RBPJ: variants seen among roughly 807,000 people sequenced by gnomAD.
RBPJ encodes the protein recombination signal binding protein for immunoglobulin kappa J region, also known as recombining binding protein suppressor of hairless.
A neutral mutation model predicts 67.8 loss-of-function variants in RBPJ; 9 were observed. The ratio of observed to expected loss-of-function variants is 0.13; its 90% confidence interval spans 0.08 to 0.23. The LOEUF is 0.23. Among genes scored for constraint, RBPJ ranks in the 10% least tolerant of loss-of-function variants. RBPJ has a pLI of 1.00. For missense variants in RBPJ, 305 were observed against 595.6 expected (o/e 0.51, Z 5.08); for synonymous variants, 198 against 203.3 (o/e 0.97, Z 0.22).
chr4:26,344,846 T>G (rs1386561887), intron 1 of RBPJ, among the ~76,000 whole-genome samples: 1 of 152,200 alleles, frequency 6.6e-6, no homozygotes, highest in Non-Finnish European at 1.5e-5. Context: ...TGTATGAATC[T>G]CATCATAATA....
intron 1 of RBPJ, among the ~76,000 whole-genome samples, chr4:26,188,234 C>T (rs929527553): frequency 1.3e-5 from 2 of 151,892 alleles, no homozygotes; most frequent in East Asian, 1.9e-4. Flanking sequence ...CACACACACA[C>T]GTAAAAAAGT....
At chr4:26,338,255 A>T (rs1205256718) in intron 1 of RBPJ, among the ~76,000 whole-genome samples, 1 of 148,034 alleles carries the variant, frequency 6.8e-6, no homozygotes, top group Non-Finnish European at 1.5e-5. Flanking sequence ...TCCCGGATTC[A>T]AGCAATTCTC....
At chr4:26,328,960 G>A (rs1333269504) in intron 1 of RBPJ, among the ~76,000 whole-genome samples, 1 of 152,156 alleles carries the variant, frequency 6.6e-6, no homozygotes, top group Non-Finnish European at 1.5e-5. Flanking sequence ...ATATTAATCA[G>A]GGATACAGAG....
intron 1 of RBPJ, among the ~76,000 whole-genome samples, chr4:26,293,118 CT>C (rs952607053): frequency 2.7e-5 from 4 of 150,428 alleles, no homozygotes; most frequent in African/African-American, 9.8e-5. Flanking sequence ...AAGCCACACT[CT>C]GAAGGGGCTC....
At position 26,391,076 on chromosome 4, in the gene RBPJ, TA is replaced by T. The variant is rs139630753; in HGVS notation, c.59+4689del. 2.1e-3 allele frequency among the ~76,000 whole-genome samples: 321 copies of T among 152,280 alleles called. 3 individuals carry two copies. The highest frequency in any genetic ancestry group is 7.1e-3 in the African/African-American group (295 of 41,562). On this transcript the variant is annotated intron_variant, in intron 2 of 10. Coordinates refer to ENST00000355476, the MANE Select transcript of RBPJ (RefSeq NM_015874.6). ...TGTCTCAAATAAATATATATATGGT[TA>T]AAATGTCAGTTCTTCTCAAATTGAT...
rs1300503164 is a variant in RBPJ, at chr4:26,424,191, C to T, written c.497-151C>T. 1 of 647,464 alleles carries T rather than the reference C, an allele frequency of 1.5e-6. No individual in the cohort carries two copies. Among genetic ancestry groups the T allele is most frequent in the East Asian group, 2.7e-5 (1 of 36,860 alleles). The allele number at this position is 647,464 out of a possible 1,614,324, so 40.1% of individuals were successfully genotyped here. A position where few individuals can be genotyped will look rare whatever the true frequency, so the allele number is the denominator to read the frequency against. On this transcript the variant is annotated intron_variant, in intron 5 of 10. Transcript: ENST00000355476. This position sits in a 1 kb window ranked among gnomAD's most constrained non-coding sequence, Gnocchi z 5.3. ...AACAGTTACCTTGACTTTTTGATAT[C>T]ATCTGTACTGTCTTGGAAAGTGAAA...
intron 1 of RBPJ, among the ~76,000 whole-genome samples, chr4:26,246,964 C>G (rs186751402): frequency 1.6e-4 from 23 of 144,274 alleles, no homozygotes; most frequent in Admixed American, 1.5e-3. Flanking sequence ...ATCTATGGAA[C>G]ATAATACGCT....
intron 1 of RBPJ, among the ~76,000 whole-genome samples, chr4:26,194,542 T>A (rs1369212630): frequency 2.0e-5 from 3 of 152,208 alleles, no homozygotes; most frequent in Non-Finnish European, 4.4e-5. Flanking sequence ...ACACAGCCTA[T>A]CAGTGATGGA....
chr4:26,223,154 C>CA (rs549173084), intron 1 of RBPJ, among the ~76,000 whole-genome samples: 34,483 of 99,320 alleles, frequency 0.35, 4,799 homozygotes, highest in African/African-American at 0.46. Flanking sequence ...GACACTGTCT[C>CA]AAAAAAAAAA....
At chr4:26,332,592 T>C (rs778992331) in intron 1 of RBPJ, among the ~76,000 whole-genome samples, 10 of 152,212 alleles carry the variant, frequency 6.6e-5, no homozygotes, top group East Asian at 1.9e-4. Flanking sequence ...CTGTATAAAA[T>C]AATCATCTTG....
chr4:26,425,624 G>A (rs1171034579), intron 7 of RBPJ, among the ~76,000 whole-genome samples: 3 of 152,060 alleles, frequency 2.0e-5, no homozygotes, highest in Non-Finnish European at 4.4e-5. Flanking sequence ...CCACAGAAAA[G>A]GAGATCTTGA....
chr4:26,411,363 G>A (rs1577642783), intron 3 of RBPJ, among the ~76,000 whole-genome samples: 1 of 150,218 alleles, frequency 6.7e-6, no homozygotes, highest in Admixed American at 6.6e-5. Context: ...GTGTATTCTT[G>A]CCTTTTTTTT....
upstream of RBPJ, among the ~76,000 whole-genome samples, chr4:26,318,981 A>G (rs1722766917): frequency 7.5e-6 from 1 of 134,214 alleles, no homozygotes; most frequent in Non-Finnish European, 1.6e-5. Flanking sequence ...TAGGCGACAG[A>G]GCAAGACTCC....
intron 1 of RBPJ, among the ~76,000 whole-genome samples, chr4:26,220,726 A>C (rs1306127866): frequency 6.6e-6 from 1 of 152,210 alleles, no homozygotes; most frequent in Non-Finnish European, 1.5e-5. Flanking sequence ...GAATACTGCT[A>C]GTATAATCAT....
chr4:26,129,916 C>T, the RBPJ span, among the ~76,000 whole-genome samples: 81 of 152,112 alleles, frequency 5.3e-4, 1 homozygote, highest in East Asian at 7.9e-3. Flanking sequence ...GGCTGGGGTG[C>T]AGCAGCGCCA....
intron 2 of RBPJ, among the ~76,000 whole-genome samples, chr4:26,389,701 T>C (rs1731303551): frequency 6.6e-6 from 1 of 151,888 alleles, no homozygotes; most frequent in Admixed American, 6.6e-5. Context: ...ATATTCAACT[T>C]TTGAAGAAAT....
At chr4:26,259,841 A>T (rs1720469739) in intron 1 of RBPJ, among the ~76,000 whole-genome samples, 1 of 152,208 alleles carries the variant, frequency 6.6e-6, no homozygotes, top group African/African-American at 2.4e-5. Context: ...TATTATCTTA[A>T]TTCCTTCTTG....
At chr4:26,223,970 ATAATTGTCTCCACCT>A (rs1358897537) in intron 1 of RBPJ, among the ~76,000 whole-genome samples, 1 of 152,250 alleles carries the variant, frequency 6.6e-6, no homozygotes, top group Non-Finnish European at 1.5e-5. Flanking sequence ...CTAAATGGGA[ATAATTGTCTCCACCT>A]AATTGAGTTG....
At chr4:26,309,946 C>G in intron 1 of RBPJ, among the ~76,000 whole-genome samples, 1 of 152,152 alleles carries the variant, frequency 6.6e-6, no homozygotes, top group Admixed American at 6.5e-5. Flanking sequence ...TTCTTTTCAC[C>G]AAATGTGCAT....
Sources: allele counts gnomAD v4.1 joint callset (sites outside exome capture counted in the v4.1 genomes callset), GRCh38; gene constraint gnomAD v4.1.1; non-coding constraint Gnocchi (gnomAD v3.1); transcripts MANE v1.5; gene names NCBI Gene and HGNC (gene_info 2026-07-23, HGNC 2026-07-21).